ADAMTS20: variants seen among roughly 807,000 people sequenced by gnomAD.
ADAMTS20 encodes ADAM metallopeptidase with thrombospondin type 1 motif 20, also known as A disintegrin and metalloproteinase with thrombospondin motifs 20.
Under a neutral mutation model 260.1 loss-of-function variants are expected in ADAMTS20, and 225 were observed. The observed-to-expected ratio is 0.87, with a 90% CI of 0.78 to 0.97. ADAMTS20 has a LOEUF of 0.97. Among genes scored for constraint, ADAMTS20 ranks in the 50% least tolerant of loss-of-function variants. The pLI, the probability that ADAMTS20 is intolerant of heterozygous loss-of-function variation, is 0.00. For synonymous variants in ADAMTS20, 802 were observed against 769.5 expected (o/e 1.04, Z -0.70); for missense variants, 2,400 against 2,337.7 (o/e 1.03, Z -0.55).
At chr12:43,516,575 G>T (rs2137473226) in intron 3 of ADAMTS20, among the ~76,000 whole-genome samples, 1 of 152,166 alleles carries the variant, frequency 6.6e-6, no homozygotes, top group Non-Finnish European at 1.5e-5. Context: ...AAATCTATTT[G>T]TTTTCACTTA....
At chr12:43,446,520 A>T in intron 15 of ADAMTS20, 75 bp downstream of exon 15, 1 of 1,105,426 alleles carries the variant, frequency 9.0e-7, no homozygotes, top group Non-Finnish European at 1.3e-6. Context: ...ACAAAGAATT[A>T]CTGTTACACC....
intron 37 of ADAMTS20, among the ~76,000 whole-genome samples, chr12:43,367,268 C>T (rs1157860855): frequency 6.6e-6 from 1 of 151,942 alleles, no homozygotes; most frequent in African/African-American, 2.4e-5. Context: ...ACAATTTCTA[C>T]TACAAATATG....
At chr12:43,400,516 A>T (rs1382710915) in intron 28 of ADAMTS20, among the ~76,000 whole-genome samples, 2 of 151,920 alleles carry the variant, frequency 1.3e-5, no homozygotes, top group Non-Finnish European at 2.9e-5. Context: ...CAGCCATTCC[A>T]TGCTGCTTAG....
Position 43,489,651 on chromosome 12 carries a change from C to T in ADAMTS20, c.1117+744G>A, listed in dbSNP as rs374509940. 2.2e-4 allele frequency among the ~76,000 whole-genome samples: 34 copies of T among 151,780 alleles called. No individual in the cohort carries two copies. In the East Asian group the frequency reaches 4.6e-3, roughly 21 times the overall value. On this transcript the variant is annotated intron_variant, in intron 7 of 38. Coordinates refer to ENST00000389420, the MANE Select transcript of ADAMTS20 (RefSeq NM_025003.5). ...TTGATAAATGTAAAAATTGGTATAACCCCTTTAGAAAATAATTTGTTATAT... is the reference window on the plus strand; with the variant it reads ...TTGATAAATGTAAAAATTGGTATAATCCCTTTAGAAAATAATTTGTTATAT...
At chr12:43,532,422 A>G (rs1943235997) in intron 2 of ADAMTS20, among the ~76,000 whole-genome samples, 1 of 152,178 alleles carries the variant, frequency 6.6e-6, no homozygotes, top group Admixed American at 6.5e-5. Context: ...GGCCAAGCTA[A>G]GTGACGGGCA....
At chr12:43,526,099 A>G (rs1403588393) in intron 3 of ADAMTS20, among the ~76,000 whole-genome samples, 2 of 152,238 alleles carry the variant, frequency 1.3e-5, no homozygotes. Context: ...AGCACATGGA[A>G]CATTTTCTAA....
At chr12:43,388,242 A>G (rs1372835105) in intron 29 of ADAMTS20, among the ~76,000 whole-genome samples, 1 of 152,018 alleles carries the variant, frequency 6.6e-6, no homozygotes, top group East Asian at 1.9e-4. Context: ...ACCGTCCCTC[A>G]AGGCACAGTC....
At position 43,543,171 on chromosome 12, in the gene ADAMTS20, G is replaced by T. The variant is rs959835218; in HGVS notation, c.453+7738C>A. ...TAAAAAAGAAAAAAAAACTGGTCAG[G>T]TGTGGGGGGGTGTGCCTGTAGTTCC... is the stretch of plus-strand genomic sequence containing the variant. On this transcript the variant is annotated intron_variant, in intron 2 of 38. Coordinates refer to ENST00000389420, the MANE Select transcript of ADAMTS20 (RefSeq NM_025003.5). Among the ~76,000 whole-genome samples the T allele has an allele frequency of 2.6e-5, 4 of 152,126 alleles. No homozygotes were observed. The East Asian group carries it at 7.7e-4, about 29-fold the overall frequency.
At chr12:43,386,353 C>T (rs1039386786) in intron 29 of ADAMTS20, among the ~76,000 whole-genome samples, 8 of 152,154 alleles carry the variant, frequency 5.3e-5, no homozygotes, top group South Asian at 2.1e-4. Context: ...CAGAGAGATC[C>T]GCTGTTAGTC....
At chr12:43,370,496 CT>C (rs1314753247) in intron 36 of ADAMTS20, among the ~76,000 whole-genome samples, 5 of 152,214 alleles carry the variant, frequency 3.3e-5, no homozygotes, top group Non-Finnish European at 7.3e-5. Flanking sequence ...AGAGACACAA[CT>C]TTCAAAGCAT....
chr12:43,528,347 G>GAAAAAAAAA (rs1565583137), intron 3 of ADAMTS20, among the ~76,000 whole-genome samples: 32 of 2,308 alleles, frequency 0.014, 1 homozygote, highest in African/African-American at 0.022. Flanking sequence ...GCAATCCTAA[G>GAAAAAAAAA]CAAAAAAAAA....
At chr12:43,440,164 G>C in intron 16 of ADAMTS20, 95 bp from the exon 17 acceptor site, 1 of 786,808 alleles carries the variant, frequency 1.3e-6, no homozygotes, top group Non-Finnish European at 1.8e-6. Flanking sequence ...TTTTTTTTGA[G>C]ACGGAGTCTT....
intron 28 of ADAMTS20, among the ~76,000 whole-genome samples, chr12:43,400,402 T>A (rs952959863): frequency 2.0e-5 from 3 of 151,976 alleles, no homozygotes; most frequent in African/African-American, 7.2e-5. Flanking sequence ...CTGGAGAAAA[T>A]TTACCTTTTT....
chr12:43,356,414 A>C, intron 38 of ADAMTS20, 70 bp downstream of exon 38: 12 of 965,106 alleles, frequency 1.2e-5, no homozygotes, highest in Non-Finnish European at 1.7e-5. Context: ...CATTTTAGGT[A>C]GAGAACCTTT....
At chr12:43,409,004 G>T (rs1162645031) in intron 28 of ADAMTS20, among the ~76,000 whole-genome samples, 2 of 152,070 alleles carry the variant, frequency 1.3e-5, no homozygotes, top group Non-Finnish European at 2.9e-5. Flanking sequence ...TAACCTAAAA[G>T]CATACTAACC....
Position 43,428,357 on chromosome 12 carries a change from G to A in ADAMTS20, c.3829C>T (p.Pro1277Ser), listed in dbSNP as rs1941373546. 6.2e-7 allele frequency: 1 copy of A among 1,613,846 alleles called. No homozygotes were observed. Among genetic ancestry groups the A allele is most frequent in the Non-Finnish European group, 8.5e-7 (1 of 1,179,874 alleles). ...AAATTCGTGCTTAGATAATAGCTTG[G>A]CTGCACAGGGGAACTAGGAAAGTGG... ...HSHFPSSPVQ[P>S]SYYLSTNLPL... Residue 1277 changes from proline (P) to serine (S), a missense_variant, in exon 26 of 39, where the codon CCA (proline) becomes TCA (serine). By Grantham distance (74) the Pro-to-Ser change is moderately conservative. Coordinates refer to ENST00000389420, the MANE Select transcript of ADAMTS20 (RefSeq NM_025003.5).
chr12:43,504,028 A>T lies in ADAMTS20; in HGVS notation c.614-1623T>A, dbSNP rs537572597. 4.3e-4 allele frequency among the ~76,000 whole-genome samples: 65 copies of T among 152,216 alleles called. 1 individual carries two copies. In the South Asian group the frequency reaches 6.2e-3, roughly 15 times the overall value. ...AAATAGTGCTGCAGTGAACATACAC[A>T]TGCATGTGTCTTTATAGAACAATTT... On this transcript the variant is annotated intron_variant, in intron 3 of 38. Coordinates refer to ENST00000389420, the MANE Select transcript of ADAMTS20 (RefSeq NM_025003.5).
chr12:43,532,234 G>A (rs923850910), intron 2 of ADAMTS20, 39 bp from the exon 3 acceptor site: 2 of 1,558,678 alleles, frequency 1.3e-6, no homozygotes, highest in Middle Eastern at 1.8e-4. Context: ...TTTCCTAACA[G>A]TCGCCAAGAA....
intron 29 of ADAMTS20, among the ~76,000 whole-genome samples, chr12:43,390,638 T>C: frequency 6.6e-6 from 1 of 152,222 alleles, no homozygotes; most frequent in East Asian, 1.9e-4. Flanking sequence ...GTTTTTTTGT[T>C]TGTTTTTTGC....
Sources: gnomAD v4.1 joint callset for allele counts (sites outside exome capture counted in the v4.1 genomes callset) on GRCh38, gnomAD v4.1.1 for gene constraint, MANE v1.5 for transcripts, NCBI Gene and HGNC (gene_info 2026-07-23, HGNC 2026-07-21) for gene names.